Variants in UVRAG observed in about 807,000 individuals in gnomAD.
UVRAG encodes the protein UV radiation resistance-associated gene protein.
In UVRAG, 19 loss-of-function variants were observed where a neutral mutation model predicts 78.0. The observed-to-expected ratio is 0.24, with a 90% CI of 0.17 to 0.36. UVRAG has a LOEUF of 0.36. Ranked by LOEUF, UVRAG falls within the 10% of genes least tolerant of loss-of-function variation. The probability of loss-of-function intolerance (pLI) is 1.00; values close to 1 mark genes in which losing one functional copy is unlikely to be tolerated. For synonymous variants in UVRAG, 323 were observed against 324.6 expected (o/e 1.00, Z 0.05); for missense variants, 740 against 853.8 (o/e 0.87, Z 1.66).
intron 1 of UVRAG, among the ~76,000 whole-genome samples, chr11:75,830,091 CG>C (rs1945620718): frequency 6.6e-6 from 1 of 152,066 alleles, no homozygotes; most frequent in Non-Finnish European, 1.5e-5. Flanking sequence ...CTGCCTGCCT[CG>C]TCTTCCCAAA....
chr11:76,019,121 A>G (rs1950196701), intron 12 of UVRAG, among the ~76,000 whole-genome samples: 1 of 152,114 alleles, frequency 6.6e-6, no homozygotes, highest in African/African-American at 2.4e-5. Flanking sequence ...TGCTATTAAG[A>G]GACTTTGATG....
chr11:75,927,851 TAG>T (rs1000581591), intron 6 of UVRAG, among the ~76,000 whole-genome samples: 18 of 152,206 alleles, frequency 1.2e-4, no homozygotes, highest in African/African-American at 3.9e-4. Context: ...CAGAATCATG[TAG>T]AGTTTTATTT....
chr11:75,989,983 T>C (rs535982595), intron 8 of UVRAG, among the ~76,000 whole-genome samples: 197 of 152,358 alleles, frequency 1.3e-3, no homozygotes, highest in African/African-American at 4.6e-3. Flanking sequence ...GTTTCCTGTT[T>C]AGTTTTTGGT....
At chr11:76,060,573 C>T (rs958942724) in intron 12 of UVRAG, among the ~76,000 whole-genome samples, 4 of 152,206 alleles carry the variant, frequency 2.6e-5, no homozygotes, top group South Asian at 2.1e-4. Context: ...GGGAGAGGCG[C>T]GAGCGGGAAC....
At chr11:76,029,313 C>T (rs146623178) in intron 12 of UVRAG, among the ~76,000 whole-genome samples, 3 of 152,226 alleles carry the variant, frequency 2.0e-5, no homozygotes, top group Admixed American at 6.5e-5. Flanking sequence ...AACATAGTAT[C>T]CATTCCGCAA....
intron 2 of UVRAG, among the ~76,000 whole-genome samples, chr11:75,861,510 A>G (rs779215751): frequency 1.3e-5 from 2 of 152,228 alleles, no homozygotes; most frequent in Non-Finnish European, 2.9e-5. Flanking sequence ...GGTAATAATC[A>G]CTAAAGCAAA....
intron 2 of UVRAG, among the ~76,000 whole-genome samples, chr11:75,853,179 C>T (rs1238871600): frequency 6.6e-6 from 1 of 152,144 alleles, no homozygotes; most frequent in Admixed American, 6.6e-5. Flanking sequence ...TCCCAAAGTG[C>T]TGGGATTATA....
intron 1 of UVRAG, among the ~76,000 whole-genome samples, chr11:75,842,551 C>G (rs1374183626): frequency 6.6e-6 from 1 of 151,630 alleles, no homozygotes; most frequent in Non-Finnish European, 1.5e-5. Flanking sequence ...AAACGATTCT[C>G]CTGCCTCAGC....
intron 1 of UVRAG, among the ~76,000 whole-genome samples, chr11:75,836,886 T>G (rs1945789095): frequency 1.3e-5 from 2 of 152,140 alleles, no homozygotes; most frequent in Admixed American, 1.3e-4. Flanking sequence ...TCCTATTACC[T>G]CCTTTTCTTT....
chr11:76,017,692 G>A (rs1591137634), intron 12 of UVRAG, among the ~76,000 whole-genome samples: 1 of 152,152 alleles, frequency 6.6e-6, no homozygotes, highest in Admixed American at 6.5e-5. Context: ...ACTGAAAGCT[G>A]ATTTCTCAAT....
intron 13 of UVRAG, among the ~76,000 whole-genome samples, chr11:76,067,654 A>C (rs1951218056): frequency 6.6e-6 from 1 of 152,080 alleles, no homozygotes; most frequent in African/African-American, 2.4e-5. Flanking sequence ...GCTACTGGAG[A>C]GGCTGAGGCA....
At chr11:75,972,308 G>A (rs1949139601) in intron 7 of UVRAG, among the ~76,000 whole-genome samples, 1 of 152,030 alleles carries the variant, frequency 6.6e-6, no homozygotes, top group African/African-American at 2.4e-5. Context: ...AGAGTCTTCT[G>A]TATTTTCTCC....
intron 3 of UVRAG, 116 bp from the exon 4 acceptor site, chr11:75,879,763 A>G (rs1946897076): frequency 2.2e-6 from 3 of 1,367,304 alleles, no homozygotes; most frequent in African/African-American, 2.9e-5. Flanking sequence ...TAAGTTTGCA[A>G]TTTAATGTAT....
intron 8 of UVRAG, among the ~76,000 whole-genome samples, chr11:75,993,828 A>G (rs1405866448): frequency 6.6e-6 from 1 of 152,172 alleles, no homozygotes; most frequent in African/African-American, 2.4e-5. Context: ...CATCTGCTCC[A>G]GGTGAGAGCC....
intron 7 of UVRAG, 29 bp downstream of exon 7, chr11:75,961,578 A>G: frequency 6.6e-7 from 1 of 1,521,714 alleles, no homozygotes; most frequent in Non-Finnish European, 8.9e-7. Flanking sequence ...ACCTGTTTAC[A>G]CTTCTTGTTT....
chr11:76,073,989 T>C (rs1267823074), intron 13 of UVRAG, among the ~76,000 whole-genome samples: 2 of 152,132 alleles, frequency 1.3e-5, no homozygotes, highest in Non-Finnish European at 2.9e-5. Flanking sequence ...CTTGCAAAAA[T>C]GTAAAACAAT....
chr11:76,134,991 ACT>A (rs1474162373), intron 14 of UVRAG, among the ~76,000 whole-genome samples: 1 of 151,980 alleles, frequency 6.6e-6, no homozygotes, highest in Non-Finnish European at 1.5e-5. Flanking sequence ...ATGGTATTAG[ACT>A]CTCATAGGAG....
intron 1 of UVRAG, among the ~76,000 whole-genome samples, chr11:75,821,829 T>G (rs528177126): frequency 6.6e-6 from 1 of 152,230 alleles, no homozygotes; most frequent in South Asian, 2.1e-4. Flanking sequence ...GGAATTAGTC[T>G]GATGTTTTTT....
intron 6 of UVRAG, among the ~76,000 whole-genome samples, chr11:75,932,554 G>A (rs2135110361): frequency 6.6e-6 from 1 of 152,268 alleles, no homozygotes; most frequent in East Asian, 1.9e-4. Context: ...AAAGTGCTGG[G>A]ATTACAGGCG....
Sources: allele counts gnomAD v4.1 joint callset (sites outside exome capture counted in the v4.1 genomes callset), GRCh38; gene constraint gnomAD v4.1.1; transcripts MANE v1.5; gene names NCBI Gene and HGNC (gene_info 2026-07-23, HGNC 2026-07-21).